Variants in MCTP1 observed in about 807,000 individuals in gnomAD.
The protein encoded by MCTP1 is multiple C2 and transmembrane domain containing 1, also known as multiple C2 and transmembrane domain-containing protein 1.
In MCTP1, 69 loss-of-function variants were observed where a neutral mutation model predicts 120.6. The observed-to-expected ratio is 0.57, with a 90% CI of 0.47 to 0.70. The LOEUF (loss-of-function observed/expected upper bound fraction) is 0.70, where lower values mean the gene tolerates loss of function less well. Among genes scored for constraint, MCTP1 ranks in the 30% least tolerant of loss-of-function variants. MCTP1 has a pLI of 0.00. For missense variants in MCTP1, 1,203 were observed against 1,248.8 expected, an observed-to-expected ratio of 0.96 and a Z score of 0.55; for synonymous variants, 529 against 493.1, an observed-to-expected ratio of 1.07 and a Z score of -0.96.
intron 18 of MCTP1, among the ~76,000 whole-genome samples, chr5:94,796,616 T>C (rs1185535072): frequency 3.2e-5 from 3 of 92,420 alleles, no homozygotes; most frequent in East Asian, 2.8e-4. Flanking sequence ...ATATATATAA[T>C]ATATATAATA....
chr5:94,984,714 T>C (rs1008221259), intron 2 of MCTP1, among the ~76,000 whole-genome samples: 2 of 152,174 alleles, frequency 1.3e-5, no homozygotes, highest in Non-Finnish European at 2.9e-5. Flanking sequence ...TCTTCTCTCA[T>C]AAGGTTATAG....
chr5:94,920,691 A>G (rs1221173586), intron 7 of MCTP1, among the ~76,000 whole-genome samples: 14 of 151,756 alleles, frequency 9.2e-5, no homozygotes, highest in South Asian at 2.1e-4. Flanking sequence ...ATAGTGAGCC[A>G]AGACCGCGCC....
intron 1 of MCTP1, among the ~76,000 whole-genome samples, chr5:95,140,939 T>C (rs1759883717): frequency 6.7e-6 from 1 of 149,356 alleles, no homozygotes. Context: ...GAAAAGATTA[T>C]GCATCCCTTC....
At chr5:95,134,547 T>G (rs1423475766) in intron 1 of MCTP1, among the ~76,000 whole-genome samples, 2 of 152,208 alleles carry the variant, frequency 1.3e-5, no homozygotes, top group African/African-American at 2.4e-5. Flanking sequence ...TGGGGCAGGA[T>G]GGCCTAGGAA....
chr5:95,137,471 A>C (rs1759532673), intron 1 of MCTP1, among the ~76,000 whole-genome samples: 1 of 152,182 alleles, frequency 6.6e-6, no homozygotes, highest in Non-Finnish European at 1.5e-5. Context: ...TATCCCCCAA[A>C]ACTAAAGTTG....
intron 1 of MCTP1, among the ~76,000 whole-genome samples, chr5:95,155,605 AC>A (rs375110399): frequency 5.6e-4 from 86 of 152,270 alleles, no homozygotes; most frequent in African/African-American, 2.0e-3. Flanking sequence ...GTAAAGAGTT[AC>A]AATCCAGTTT....
At chr5:94,888,528 A>G (rs1396912692) in intron 12 of MCTP1, among the ~76,000 whole-genome samples, 1 of 152,218 alleles carries the variant, frequency 6.6e-6, no homozygotes, top group Non-Finnish European at 1.5e-5. Context: ...TGTTTGAATT[A>G]TAAGTGTTGA....
At chr5:94,878,213 C>T (rs949910974) in intron 12 of MCTP1, among the ~76,000 whole-genome samples, 7 of 152,110 alleles carry the variant, frequency 4.6e-5, no homozygotes, top group African/African-American at 7.2e-5. Flanking sequence ...GGAATTCCAT[C>T]GTGTCCACCA....
intron 1 of MCTP1, among the ~76,000 whole-genome samples, chr5:95,208,727 A>G (rs1035617988): frequency 1.4e-5 from 2 of 142,624 alleles, no homozygotes; most frequent in African/African-American, 2.5e-5. Flanking sequence ...CAACCCTTTC[A>G]GAAAAAAAAA....
intron 1 of MCTP1, among the ~76,000 whole-genome samples, chr5:95,148,484 C>T (rs10041437): frequency 0.022 from 3,353 of 152,286 alleles, 55 homozygotes; most frequent in Non-Finnish European, 0.034. Flanking sequence ...TTGGTCTATT[C>T]TGTTAATGCT....
chr5:95,219,206 C>G (rs566419226), intron 1 of MCTP1, among the ~76,000 whole-genome samples: 9 of 151,830 alleles, frequency 5.9e-5, no homozygotes, highest in Non-Finnish European at 1.3e-4. Context: ...ACGGTGAAAC[C>G]CCGTCTCTAC....
intron 10 of MCTP1, among the ~76,000 whole-genome samples, chr5:94,899,585 G>C (rs895271417): frequency 6.6e-6 from 1 of 152,198 alleles, no homozygotes; most frequent in South Asian, 2.1e-4. Context: ...CAGATCAACT[G>C]CCAAGGAAGC....
chr5:94,914,539 A>G (rs1279848306), intron 8 of MCTP1, among the ~76,000 whole-genome samples: 2 of 152,254 alleles, frequency 1.3e-5, no homozygotes, highest in Non-Finnish European at 2.9e-5. Context: ...ATCACATTGC[A>G]TATTTTCCTG....
In MCTP1 at chr5:95,258,986, C is replaced by T. The variant is rs1758185727; in HGVS notation, c.720+24870G>A. Among the ~76,000 whole-genome samples, 3 of 152,152 alleles carry T rather than the reference C, an allele frequency of 2.0e-5. No individual in the cohort carries two copies. The South Asian group carries it at 6.2e-4, about 32-fold the overall frequency. ...GAAAATGAAGGCATAGTACAATTTC[C>T]TAAAGATTAAAAACAATATCATGTT... is the stretch of plus-strand genomic sequence containing the variant. On this transcript the variant is annotated intron_variant, in intron 1 of 22. Transcript: ENST00000515393.
At chr5:94,947,577 TAGAGAGAG>T (rs3030518) in intron 3 of MCTP1, among the ~76,000 whole-genome samples, 998 of 47,310 alleles carry the variant, frequency 0.021, 46 homozygotes, top group African/African-American at 0.07. Context: ...TATATATATA[TAGAGAGAG>T]AGAGAGAGAG....
At chr5:95,018,007 G>C (rs1002156567) in intron 1 of MCTP1, among the ~76,000 whole-genome samples, 4 of 151,870 alleles carry the variant, frequency 2.6e-5, no homozygotes, top group African/African-American at 9.7e-5. Flanking sequence ...AATTCACCTA[G>C]CATTTTGGCA....
At chr5:95,059,730 G>A (rs1054096853) in intron 1 of MCTP1, among the ~76,000 whole-genome samples, 6 of 151,360 alleles carry the variant, frequency 4.0e-5, no homozygotes, top group Admixed American at 3.9e-4. Context: ...AGAGAGGAGA[G>A]GAGAAGAAAA....
intron 18 of MCTP1, among the ~76,000 whole-genome samples, chr5:94,797,911 T>A (rs142982386): frequency 2.0e-5 from 3 of 152,296 alleles, no homozygotes; most frequent in African/African-American, 7.2e-5. Context: ...TGTATTTTAA[T>A]GAACGGGAAG....
At chr5:95,250,976 G>A (rs539244432) in intron 1 of MCTP1, among the ~76,000 whole-genome samples, 5 of 152,222 alleles carry the variant, frequency 3.3e-5, no homozygotes, top group South Asian at 2.1e-4. Context: ...CATCCTTATT[G>A]AGATGTTATT....
Sources: gnomAD v4.1 joint callset for allele counts (sites outside exome capture counted in the v4.1 genomes callset) on GRCh38, gnomAD v4.1.1 for gene constraint, MANE v1.5 for transcripts, NCBI Gene and HGNC (gene_info 2026-07-23, HGNC 2026-07-21) for gene names.